The following KMT2C variants were observed in gnomAD, a reference collection of about 807,000 sequenced individuals.
KMT2C encodes the protein histone-lysine N-methyltransferase 2C.
A neutral mutation model predicts 507.9 loss-of-function variants in KMT2C; 88 were observed. The ratio of observed to expected loss-of-function variants is 0.17; its 90% CI spans 0.15 to 0.21. The LOEUF (loss-of-function observed/expected upper bound fraction) is 0.21. Ranked by LOEUF, KMT2C falls within the 10% of genes least tolerant of loss-of-function variation. The pLI is 1.00. For synonymous variants in KMT2C, 2,049 were observed against 2,080.8 expected (o/e 0.98, Z 0.42); for missense variants, 4,954 against 5,957.8 (o/e 0.83, Z 5.55).
intron 18 of KMT2C, among the ~76,000 whole-genome samples, chr7:152,226,122 G>C (rs570530386): frequency 6.7e-6 from 1 of 148,652 alleles, no homozygotes; most frequent in Non-Finnish European, 1.5e-5. Context: ...TAGAGCTATA[G>C]CATTAACCAC....
rs1282086122 is a variant in KMT2C at position 152,177,800 on chromosome 7, G to C, written c.7653C>G (p.His2551Gln). ...CAATATATGCTTGGCCCAGTATGTT[G>C]TGCTGCTGAACTGGCAAGCTCTGTG... The part of the protein sequence containing the change: ...FSPQSLPVQQ[H>Q]NILGQAYIEL... The change falls in exon 38 of 59, where the codon CAC (histidine) becomes CAG (glutamine). Residue 2551 changes from histidine (H) to glutamine (Q), a missense_variant. His to Gln is a conservative substitution (Grantham distance 24). Transcript: ENST00000262189. 1 of 1,613,836 alleles carries C rather than the reference G, an allele frequency of 6.2e-7. No individual in the cohort carries two copies. The highest frequency in any genetic ancestry group is 8.5e-7 in the Non-Finnish European group (1 of 1,179,994).
chr7:152,341,750 T>A (rs1334690381), intron 2 of KMT2C, among the ~76,000 whole-genome samples: 2 of 152,224 alleles, frequency 1.3e-5, no homozygotes, highest in South Asian at 2.1e-4. Context: ...AACTTTCATA[T>A]CAAAAAAAGA....
intron 1 of KMT2C, among the ~76,000 whole-genome samples, chr7:152,392,284 G>C (rs1410310687): frequency 6.6e-6 from 1 of 152,112 alleles, no homozygotes; most frequent in African/African-American, 2.4e-5. Context: ...CCACAGAAAT[G>C]ATCCAAACTC....
Position 152,180,845 on chromosome 7 carries a change from T to C in KMT2C, c.7015A>G (p.Asn2339Asp), listed in dbSNP as rs368909054. The change falls in exon 36 of 59, where the codon AAC becomes GAC. Residue 2339 changes from asparagine (N) to aspartate (D), a missense_variant. Asn to Asp is a conservative substitution (Grantham distance 23). Around this residue, in one of 29 missense-constraint regions of KMT2C, gnomAD observed 1,689 missense variants for 1,654.3 expected, o/e 1.02. Coordinates refer to ENST00000262189, the MANE Select transcript of KMT2C (RefSeq NM_170606.3). ...TGGCCTTGGGAGTGCATTGGAGAGT[T>C]TGAAGATGCACAGAAGCTCCCCTCT... ...GSEGSFCASS[N>D]SPMHSQGQQF... The C allele has an allele frequency of 9.3e-6, 15 of 1,614,028 alleles. No homozygotes were observed. Among genetic ancestry groups the C allele is most frequent in the African/African-American group, 2.7e-5 (2 of 74,896 alleles).
intron 39 of KMT2C, among the ~76,000 whole-genome samples, chr7:152,172,314 T>C (rs892444504): frequency 5.3e-5 from 8 of 152,212 alleles, no homozygotes; most frequent in Non-Finnish European, 1.0e-4. Context: ...ATATACCTGA[T>C]ACATGACTAA....
Position 152,144,981 on chromosome 7 carries a change from G to A in KMT2C, c.14175-100C>T. On this transcript the variant is annotated intron_variant, in intron 54 of 58. Transcript: ENST00000262189. This position sits in a 1 kb window ranked among gnomAD's most constrained non-coding sequence, Gnocchi z 4.4. ...AGGTTAATTCAGATTCTTACTGACA[G>A]AAACATACATGGAAAGCTGCCTAGC... The A allele has an allele frequency of 1.4e-6, 2 of 1,404,744 alleles. No individual in the cohort carries two copies. Among genetic ancestry groups the A allele is most frequent in the Non-Finnish European group, 1.9e-6 (2 of 1,039,208 alleles). 87.0% of individuals were successfully genotyped at this position (1,404,744 alleles called of 1,614,324 possible). A position where few individuals can be genotyped will look rare whatever the true frequency, so the allele number is the denominator to read the frequency against.
intron 6 of KMT2C, among the ~76,000 whole-genome samples, chr7:152,278,138 T>C (rs2096122864): frequency 6.6e-6 from 1 of 152,158 alleles, no homozygotes; most frequent in Non-Finnish European, 1.5e-5. Context: ...GTGCTGTCCT[T>C]GCGATAACGA....
chr7:152,266,299 C>G (rs1384593523), intron 7 of KMT2C, among the ~76,000 whole-genome samples: 2 of 151,584 alleles, frequency 1.3e-5, no homozygotes, highest in Non-Finnish European at 2.9e-5. Context: ...GGCTAGAGTG[C>G]AATGGCACGA....
At position 152,252,054 on chromosome 7, in the gene KMT2C, A is replaced by T. The variant is rs748702092; in HGVS notation, c.1506T>A (p.His502Gln). The T allele has an allele frequency of 1.9e-6, 3 of 1,612,184 alleles. No homozygotes were observed. The South Asian group carries it at 3.3e-5, about 18-fold the overall frequency. ...CTTCTTTGAGCTGAGTATCCAGTTC[A>T]TGATCTGTTGGTTTGTCACACTCTA... is the stretch of plus-strand genomic sequence containing the variant. Reference protein sequence around the residue: ...VHLECDKPTDHELDTQLKEEY... With the variant: ...VHLECDKPTDQELDTQLKEEY... Residue 502 changes from histidine (H) to glutamine (Q), a missense_variant, in exon 11 of 59, where the codon CAT becomes CAA. Coordinates refer to ENST00000262189, the MANE Select transcript of KMT2C (RefSeq NM_170606.3).
intron 3 of KMT2C, among the ~76,000 whole-genome samples, chr7:152,323,837 GGAGAGA>G (rs755994844): frequency 7.5e-5 from 11 of 145,798 alleles, no homozygotes; most frequent in Non-Finnish European, 1.7e-4. Context: ...GGAAGAGTGG[GGAGAGA>G]GAGAGAGAGA....
intron 34 of KMT2C, among the ~76,000 whole-genome samples, chr7:152,184,050 C>A (rs1483977714): frequency 4.2e-5 from 5 of 117,962 alleles, no homozygotes; most frequent in Admixed American, 3.3e-4. Flanking sequence ...CCAGCCTGGG[C>A]AACAACTGTG....
At chr7:152,156,157 C>T in intron 45 of KMT2C, 48 bp downstream of exon 45, 2 of 1,605,922 alleles carry the variant, frequency 1.2e-6, no homozygotes, top group Non-Finnish European at 1.7e-6. Flanking sequence ...ACACAACTGG[C>T]AGAGGCACAT....
chr7:152,413,472 A>C (rs988823610), intron 1 of KMT2C, among the ~76,000 whole-genome samples: 17 of 152,186 alleles, frequency 1.1e-4, no homozygotes, highest in African/African-American at 3.9e-4. Context: ...AATTATGTTA[A>C]ATACATATGT....
At chr7:152,292,670 T>C (rs2096447566) in intron 6 of KMT2C, among the ~76,000 whole-genome samples, 1 of 152,202 alleles carries the variant, frequency 6.6e-6, no homozygotes, top group Admixed American at 6.5e-5. Flanking sequence ...AGGCTGTCAT[T>C]TGCTGACACC....
At position 152,181,108 on chromosome 7, in the gene KMT2C, A is replaced by G. The variant is rs2129119667; in HGVS notation, c.6752T>C (p.Leu2251Pro). 2 of 1,614,198 alleles carry G rather than the reference A, an allele frequency of 1.2e-6. No individual in the cohort carries two copies. Among genetic ancestry groups the G allele is most frequent in the Non-Finnish European group, 1.7e-6 (2 of 1,180,048 alleles). Residue 2251 changes from leucine to proline, a missense_variant, in exon 36 of 59, where the codon CTG becomes CCG. Leu to Pro is a moderately conservative substitution (Grantham distance 98). Around this residue, in one of 29 missense-constraint regions of KMT2C, gnomAD observed 1,689 missense variants for 1,654.3 expected, o/e 1.02. Coordinates refer to ENST00000262189, the MANE Select transcript of KMT2C (RefSeq NM_170606.3). ...TGGTCCTCGGTTTTGTGCTGCTTGC[A>G]GGAAAGGATCCTGATTTGGCATGAG... Reference protein sequence around the residue: ...PVLMPNQDPFLQAAQNRGPAL... With the variant: ...PVLMPNQDPFPQAAQNRGPAL...
chr7:152,362,348 G>C (rs2097203965), intron 1 of KMT2C, among the ~76,000 whole-genome samples: 1 of 152,052 alleles, frequency 6.6e-6, no homozygotes. Context: ...GGCTGGGGCA[G>C]AGTCAGCGGT....
chr7:152,328,286 T>C (rs980385876), intron 3 of KMT2C, among the ~76,000 whole-genome samples: 1 of 152,182 alleles, frequency 6.6e-6, no homozygotes, highest in Admixed American at 6.6e-5. Context: ...GTTCTTTCGT[T>C]GATTCACATT....
intron 23 of KMT2C, among the ~76,000 whole-genome samples, chr7:152,217,043 A>T (rs1367241952): frequency 1.3e-5 from 2 of 152,184 alleles, no homozygotes; most frequent in Non-Finnish European, 2.9e-5. Flanking sequence ...AATTTGCCTA[A>T]AAACACCCAG....
Position 152,238,797 on chromosome 7 carries a change from G to C in KMT2C, c.2562C>G (p.Ser854Arg). 4 of 1,608,496 alleles carry C rather than the reference G, an allele frequency of 2.5e-6. No individual in the cohort carries two copies. The highest frequency in any genetic ancestry group is 2.5e-6 in the Non-Finnish European group (3 of 1,178,122). The change falls in exon 15 of 59, where the codon AGC becomes AGG. Residue 854 changes from serine to arginine, a missense_variant. Physicochemically the swap from Ser to Arg is moderately radical, Grantham distance 110 (BLOSUM62 -1). Coordinates refer to ENST00000262189, the MANE Select transcript of KMT2C (RefSeq NM_170606.3). ...AAATGTCTGGGGACCAGGAAGGTGG[G>C]CTCACTGTATTATGGGTACTCCAAG... ...QGAWSTHNTV[S>R]PPSWSPDISE...
Sources: allele counts gnomAD v4.1 joint callset (sites outside exome capture counted in the v4.1 genomes callset), GRCh38; gene constraint gnomAD v4.1.1; regional missense constraint gnomAD v4.1.1; non-coding constraint Gnocchi (gnomAD v3.1); transcripts MANE v1.5; gene names NCBI Gene and HGNC (gene_info 2026-07-23, HGNC 2026-07-21).